Variants in TBC1D32 observed in about 807,000 individuals in gnomAD.
TBC1D32 encodes protein broad-minded.
In TBC1D32, 151 loss-of-function variants were observed where a neutral mutation model predicts 170.3. That is an observed-to-expected ratio of 0.89 (90% CI 0.78 to 1.01). The LOEUF (loss-of-function observed/expected upper bound fraction) is 1.01. TBC1D32 is among the 50% of genes least tolerant of loss of function. The pLI, the probability that TBC1D32 is intolerant of heterozygous loss-of-function variation, is 0.00. For synonymous variants in TBC1D32, 498 were observed against 488.0 expected, an observed-to-expected ratio of 1.02 and a Z score of -0.27; for missense variants, 1,464 against 1,457.1, an observed-to-expected ratio of 1.00 and a Z score of -0.08.
chr6:121,140,940 G>A (rs1782708510), intron 24 of TBC1D32, among the ~76,000 whole-genome samples: 1 of 152,064 alleles, frequency 6.6e-6, no homozygotes, highest in African/African-American at 2.4e-5. Flanking sequence ...CTTTAGATTA[G>A]CCTGAACAAA....
intron 22 of TBC1D32, among the ~76,000 whole-genome samples, chr6:121,186,364 A>G (rs908010193): frequency 6.6e-6 from 1 of 152,062 alleles, no homozygotes; most frequent in African/African-American, 2.4e-5. Context: ...TTGATGGAAG[A>G]CTAACGCAAA....
intron 24 of TBC1D32, among the ~76,000 whole-genome samples, chr6:121,159,162 A>T (rs1156844951): frequency 6.6e-6 from 1 of 152,220 alleles, no homozygotes; most frequent in Non-Finnish European, 1.5e-5. Flanking sequence ...TATCCTGCTT[A>T]TGGACTATCC....
intron 21 of TBC1D32, 99 bp from the exon 22 acceptor site, chr6:121,205,262 C>A: frequency 1.8e-6 from 1 of 561,356 alleles, no homozygotes; most frequent in Non-Finnish European, 3.0e-6. Flanking sequence ...CTCAAATTTG[C>A]CTTTACAAGG....
At chr6:121,129,734 C>T in intron 25 of TBC1D32, 1 of 243,142 alleles carries the variant, frequency 4.1e-6, no homozygotes, top group South Asian at 4.8e-5. Flanking sequence ...ATCTGTAAGA[C>T]TTGATGACTA....
intron 22 of TBC1D32, among the ~76,000 whole-genome samples, chr6:121,197,448 G>T (rs1004672111): frequency 1.3e-5 from 2 of 152,122 alleles, no homozygotes; most frequent in African/African-American, 2.4e-5. Context: ...CAGAAAAGAG[G>T]ACTGTAATTG....
At chr6:121,168,335 G>A (rs1339003876) in intron 22 of TBC1D32, among the ~76,000 whole-genome samples, 3 of 140,994 alleles carry the variant, frequency 2.1e-5, no homozygotes, top group Non-Finnish European at 3.1e-5. Flanking sequence ...ATGATAGACT[G>A]GATTAAGAAA....
intron 26 of TBC1D32, among the ~76,000 whole-genome samples, chr6:121,121,840 T>G (rs940663200): frequency 3.3e-5 from 5 of 151,982 alleles, no homozygotes; most frequent in Admixed American, 6.6e-5. Flanking sequence ...TGAGAAGAAT[T>G]AGACACTAAG....
At position 121,131,634 on chromosome 6, in the gene TBC1D32, A is replaced by C; in HGVS notation, c.2892T>G (p.Ser964Arg). The C allele has an allele frequency of 6.2e-7, 1 of 1,610,598 alleles. No homozygotes were observed. Among genetic ancestry groups the C allele is most frequent in the Non-Finnish European group, 8.5e-7 (1 of 1,178,260 alleles). ...KMMKAKPDII[S>R]GEALIELLEK... Reference sequence around the variant, plus strand: ...TGGAAACAATGTACTTACCCTCTCCACTGATTATATCAGGTTTGGCTTTCA... The same window carrying C: ...TGGAAACAATGTACTTACCCTCTCCCCTGATTATATCAGGTTTGGCTTTCA... The change falls in exon 25 of 32, where the codon AGT (serine) becomes AGG (arginine). Residue 964 changes from serine (S) to arginine (R), a missense_variant. Coordinates refer to ENST00000398212, the MANE Select transcript of TBC1D32 (RefSeq NM_152730.6).
chr6:121,137,444 T>C (rs1022871972), intron 24 of TBC1D32, among the ~76,000 whole-genome samples: 1 of 147,958 alleles, frequency 6.8e-6, no homozygotes, highest in African/African-American at 2.5e-5. Flanking sequence ...AAGACCACTA[T>C]GATTTATAGA....
At chr6:121,288,854 C>T (rs1249159056) in intron 12 of TBC1D32, among the ~76,000 whole-genome samples, 3 of 152,070 alleles carry the variant, frequency 2.0e-5, no homozygotes, top group African/African-American at 7.2e-5. Context: ...TCAACATACA[C>T]AAATCAATAA....
chr6:121,250,254 G>GA (rs1798124006), intron 17 of TBC1D32, among the ~76,000 whole-genome samples: 1 of 152,018 alleles, frequency 6.6e-6, no homozygotes, highest in African/African-American at 2.4e-5. Flanking sequence ...GCATCATCCT[G>GA]ATACCAAAAC....
At chr6:121,278,842 G>A (rs1802599497) in intron 15 of TBC1D32, among the ~76,000 whole-genome samples, 2 of 151,990 alleles carry the variant, frequency 1.3e-5, no homozygotes. Context: ...AGAAAAAATA[G>A]CTAGCTTCTT....
intron 15 of TBC1D32, among the ~76,000 whole-genome samples, chr6:121,275,148 T>C (rs951862364): frequency 1.9e-4 from 29 of 152,274 alleles, no homozygotes; most frequent in African/African-American, 7.0e-4. Context: ...GGTACCTATA[T>C]GTATTTGTAT....
At chr6:121,208,982 T>C (rs1456458476) in intron 21 of TBC1D32, among the ~76,000 whole-genome samples, 1 of 152,114 alleles carries the variant, frequency 6.6e-6, no homozygotes, top group Admixed American at 6.5e-5. Flanking sequence ...CTATGGGGAA[T>C]GGAGGACTAT....
intron 20 of TBC1D32, among the ~76,000 whole-genome samples, chr6:121,232,804 G>C (rs1795907553): frequency 6.6e-6 from 1 of 151,962 alleles, no homozygotes; most frequent in African/African-American, 2.4e-5. Context: ...CATGAGTTGT[G>C]ACATTTGATT....
chr6:121,190,195 C>A (rs1789796536), intron 22 of TBC1D32, among the ~76,000 whole-genome samples: 1 of 150,386 alleles, frequency 6.6e-6, no homozygotes, highest in South Asian at 2.1e-4. Flanking sequence ...AAGCCTCCCG[C>A]TCTTTCTCTC....
At chr6:121,247,734 T>TAAAAAAAAAAAA in intron 17 of TBC1D32, among the ~76,000 whole-genome samples, 1 of 115,528 alleles carries the variant, frequency 8.7e-6, no homozygotes, top group Non-Finnish European at 1.8e-5. Context: ...AGAAGGACAT[T>TAAAAAAAAAAAA]ATACAATAAT....
At chr6:121,244,394 C>T (rs1315768133) in intron 17 of TBC1D32, among the ~76,000 whole-genome samples, 2 of 151,988 alleles carry the variant, frequency 1.3e-5, no homozygotes, top group Non-Finnish European at 2.9e-5. Flanking sequence ...TGAAAGAGTA[C>T]ACATATGTCC....
chr6:121,235,111 G>A (rs908960680), intron 20 of TBC1D32, among the ~76,000 whole-genome samples: 1 of 152,156 alleles, frequency 6.6e-6, no homozygotes, highest in Non-Finnish European at 1.5e-5. Flanking sequence ...TGGTGGAGGT[G>A]GCAGGGGAGT....
Sources: gnomAD v4.1 joint callset for allele counts (sites outside exome capture counted in the v4.1 genomes callset) on GRCh38, gnomAD v4.1.1 for gene constraint, MANE v1.5 for transcripts, NCBI Gene and HGNC (gene_info 2026-07-23, HGNC 2026-07-21) for gene names.